ASAH2: variants seen among roughly 807,000 people sequenced by gnomAD.
The protein encoded by ASAH2 is N-acylsphingosine amidohydrolase 2.
In ASAH2, 58 loss-of-function variants were observed where a neutral mutation model predicts 82.9. The observed-to-expected ratio is 0.70, with a 90% CI of 0.57 to 0.87. ASAH2 has a LOEUF of 0.87. Ranked by LOEUF, ASAH2 falls within the 40% of genes least tolerant of loss-of-function variation. The pLI is 0.00. For synonymous variants in ASAH2, 276 were observed against 289.7 expected, an observed-to-expected ratio of 0.95 and a Z score of 0.48; for missense variants, 779 against 834.0, an observed-to-expected ratio of 0.93 and a Z score of 0.81.
At chr10:50,245,103 C>T in intron 3 of ASAH2, 119 bp downstream of exon 3, 1 of 929,786 alleles carries the variant, frequency 1.1e-6, no homozygotes, top group South Asian at 1.6e-5. Flanking sequence ...GCAGCAAGGT[C>T]AATTAAAAAG....
At chr10:50,214,255 AG>A (rs1845538628) in intron 9 of ASAH2, among the ~76,000 whole-genome samples, 1 of 152,186 alleles carries the variant, frequency 6.6e-6, no homozygotes, top group Non-Finnish European at 1.5e-5. Context: ...AGGGAGGCGA[AG>A]AGGGACTTTC....
chr10:50,199,803 A>G (rs1227262572), intron 16 of ASAH2, among the ~76,000 whole-genome samples: 1 of 151,426 alleles, frequency 6.6e-6, no homozygotes, highest in Non-Finnish European at 1.5e-5. Flanking sequence ...ATCAGTCTCC[A>G]CATCCGGTAA....
intron 4 of ASAH2, among the ~76,000 whole-genome samples, chr10:50,240,887 G>T (rs1367158691): frequency 6.6e-6 from 1 of 152,214 alleles, no homozygotes; most frequent in Non-Finnish European, 1.5e-5. Context: ...TGCCCTTCAA[G>T]AAGTAAAGCT....
intron 2 of ASAH2, among the ~76,000 whole-genome samples, chr10:50,246,097 A>G (rs1589362267): frequency 1.3e-5 from 2 of 152,216 alleles, no homozygotes; most frequent in South Asian, 2.1e-4. Flanking sequence ...CATATATTCT[A>G]TATTAATGTA....
intron 4 of ASAH2, among the ~76,000 whole-genome samples, chr10:50,239,376 G>A (rs963085895): frequency 3.9e-5 from 6 of 152,230 alleles, no homozygotes; most frequent in Admixed American, 6.5e-5. Context: ...TGTAAAAATA[G>A]GAAGAGATAG....
chr10:50,229,455 G>C (rs1421524179), intron 7 of ASAH2, among the ~76,000 whole-genome samples: 1 of 152,134 alleles, frequency 6.6e-6, no homozygotes, highest in Non-Finnish European at 1.5e-5. Context: ...CACAATTGTA[G>C]AGGGCTTAAT....
At chr10:50,210,746 C>A (rs1589330995) in intron 12 of ASAH2, 77 bp downstream of exon 12, 191 of 1,225,386 alleles carry the variant, frequency 1.6e-4, no homozygotes, top group Middle Eastern at 1.9e-4. Flanking sequence ...GTATTGGCTA[C>A]AATGAAACCT....
At chr10:50,219,016 C>T (rs1845679450) in intron 7 of ASAH2, among the ~76,000 whole-genome samples, 1 of 152,296 alleles carries the variant, frequency 6.6e-6, no homozygotes, top group Non-Finnish European at 1.5e-5. Flanking sequence ...TACCTGTATG[C>T]TAAGCACTGA....
chr10:50,245,349 C>G lies in ASAH2; in HGVS notation c.233G>C (p.Ser78Thr), dbSNP rs867801776. The stretch of plus-strand genomic sequence containing the variant: ...TGGAGAAGTTTGAGTGGCTGTGGAG[C>G]TCTGGGTGGCTGTGGAATGCTGGGT... ...TATQHSTATQ[S>T]STATQTSPVP... is the part of the protein sequence containing the mutation. The change falls in exon 3 of 21, where the codon AGC becomes ACC. Residue 78 changes from serine to threonine, a missense_variant. By Grantham distance (58) the Ser-to-Thr change is moderately conservative. Around this residue, in one of 3 missense-constraint regions of ASAH2, gnomAD observed 759 missense variants for 755.2 expected, o/e 1.00. Transcript: ENST00000682911. 8.1e-6 allele frequency: 13 copies of G among 1,613,532 alleles called. No homozygotes were observed. The highest frequency in any genetic ancestry group is 1.1e-5 in the Non-Finnish European group (13 of 1,179,918).
chr10:50,244,916 T>G (rs1178148428), intron 3 of ASAH2, among the ~76,000 whole-genome samples: 2 of 152,040 alleles, frequency 1.3e-5, no homozygotes, highest in African/African-American at 2.4e-5. Context: ...ACATTTCTTA[T>G]GTTACACTGG....
At chr10:50,203,722 G>T in intron 14 of ASAH2, 43 bp from the exon 15 acceptor site, 1 of 1,568,678 alleles carries the variant, frequency 6.4e-7, no homozygotes, top group Non-Finnish European at 8.8e-7. Context: ...CCTACTAGAC[G>T]TATGCAGAGT....
At chr10:50,215,245 TA>T (rs1288267072) in intron 8 of ASAH2, among the ~76,000 whole-genome samples, 23 of 152,224 alleles carry the variant, frequency 1.5e-4, no homozygotes, top group African/African-American at 4.8e-4. Flanking sequence ...AATTTTTGTA[TA>T]AGGTGTAAGG....
At chr10:50,217,570 G>C (rs1479503583) in intron 8 of ASAH2, among the ~76,000 whole-genome samples, 1 of 152,092 alleles carries the variant, frequency 6.6e-6, no homozygotes, top group African/African-American at 2.4e-5. Flanking sequence ...GCAATATTCT[G>C]AGAAAATTTT....
At chr10:50,208,590 CAACAA>C (rs1845371237) in intron 12 of ASAH2, among the ~76,000 whole-genome samples, 1 of 151,856 alleles carries the variant, frequency 6.6e-6, no homozygotes, top group Non-Finnish European at 1.5e-5. Flanking sequence ...AAGAAATAAA[CAACAA>C]AAAATACAAA....
chr10:50,201,649 C>T (rs1364981374), intron 16 of ASAH2, among the ~76,000 whole-genome samples: 1 of 152,078 alleles, frequency 6.6e-6, no homozygotes, highest in African/African-American at 2.4e-5. Context: ...GTGACATGGA[C>T]TCCTTTGGCA....
Position 50,243,243 on chromosome 10 carries a change from T to C in ASAH2, c.469A>G (p.Ser157Gly). The C allele has an allele frequency of 6.2e-7, 1 of 1,614,126 alleles. No individual in the cohort carries two copies. Among genetic ancestry groups the C allele is most frequent in the Non-Finnish European group, 8.5e-7 (1 of 1,179,976 alleles). ...TGTGATACCATGCCTATGTCGATGC[T>C]GACAAACACTGTTCGATTGGACCCA... is the stretch of plus-strand genomic sequence containing the variant. ...PDGSNRTVFV[S>G]IDIGMVSQRL... The change falls in exon 4 of 21, where the codon AGC becomes GGC. Residue 157 changes from serine (S) to glycine (G), a missense_variant. This residue lies in a region of ASAH2 where 759 missense variants were observed against 755.2 expected (regional missense o/e 1.00). Coordinates refer to ENST00000682911, the MANE Select transcript of ASAH2 (RefSeq NM_019893.4).
intron 1 of ASAH2, among the ~76,000 whole-genome samples, chr10:50,249,610 T>C (rs796109744): frequency 2.3e-4 from 35 of 152,344 alleles, no homozygotes; most frequent in African/African-American, 6.5e-4. Context: ...GATCATCTTA[T>C]CTCAAAGTTC....
At chr10:50,221,958 G>T (rs1845761419) in intron 7 of ASAH2, among the ~76,000 whole-genome samples, 3 of 152,126 alleles carry the variant, frequency 2.0e-5, no homozygotes, top group African/African-American at 7.2e-5. Context: ...CTACGCAAAG[G>T]AATCACTAGA....
At chr10:50,199,846 A>G (rs1845094153) in intron 16 of ASAH2, among the ~76,000 whole-genome samples, 1 of 151,222 alleles carries the variant, frequency 6.6e-6, no homozygotes, top group African/African-American at 2.4e-5. Flanking sequence ...GAGATCTTTC[A>G]TTTTCCTGTC....
Sources: allele counts gnomAD v4.1 joint callset (sites outside exome capture counted in the v4.1 genomes callset), GRCh38; gene constraint gnomAD v4.1.1; regional missense constraint gnomAD v4.1.1; transcripts MANE v1.5; gene names NCBI Gene and HGNC (gene_info 2026-07-23, HGNC 2026-07-21).